LRRC72: variants seen among roughly 807,000 people sequenced by gnomAD.
LRRC72 encodes the protein leucine rich repeat containing 72, also known as leucine-rich repeat-containing protein 72.
In LRRC72, 41 loss-of-function variants were observed where a neutral mutation model predicts 35.8. That is an observed-to-expected ratio of 1.15 (90% confidence interval 0.89 to 1.49). The LOEUF is 1.49. Among genes scored for constraint, LRRC72 ranks in the 40% most tolerant of loss-of-function variants. The probability of loss-of-function intolerance (pLI) is 0.00; values close to 1 mark genes in which losing one functional copy is unlikely to be tolerated. For synonymous variants in LRRC72, 118 were observed against 119.2 expected, an observed-to-expected ratio of 0.99 and a Z score of 0.07; for missense variants, 389 against 330.7, an observed-to-expected ratio of 1.18 and a Z score of -1.37.
intron 3 of LRRC72, among the ~76,000 whole-genome samples, chr7:16,541,944 G>GACACACAC (rs111489811): frequency 6.7e-6 from 1 of 149,364 alleles, no homozygotes; most frequent in African/African-American, 2.5e-5. Flanking sequence ...CAGACAGACA[G>GACACACAC]ACACACACAC....
chr7:16,564,137 C>A (rs1190088337), intron 5 of LRRC72, among the ~76,000 whole-genome samples: 1 of 152,134 alleles, frequency 6.6e-6, no homozygotes, highest in Non-Finnish European at 1.5e-5. Context: ...GGTATATTTT[C>A]CATTAACGTC....
chr7:16,535,277 G>A (rs1240761938), intron 2 of LRRC72, among the ~76,000 whole-genome samples: 1 of 152,124 alleles, frequency 6.6e-6, no homozygotes, highest in Non-Finnish European at 1.5e-5. Flanking sequence ...ATATCAAAGA[G>A]ACACACAATT....
chr7:16,546,095 A>C (rs1192709915), intron 3 of LRRC72, among the ~76,000 whole-genome samples: 1 of 152,148 alleles, frequency 6.6e-6, no homozygotes, highest in African/African-American at 2.4e-5. Context: ...ATATATTGAA[A>C]TGTTTCTTTT....
chr7:16,539,012 T>A (rs1156359582), intron 3 of LRRC72, among the ~76,000 whole-genome samples: 1 of 152,218 alleles, frequency 6.6e-6, no homozygotes, highest in Non-Finnish European at 1.5e-5. Flanking sequence ...AGTGGGATAC[T>A]GCTACAAAGA....
At chr7:16,536,207 A>G (rs570926314) in intron 2 of LRRC72, among the ~76,000 whole-genome samples, 4 of 152,342 alleles carry the variant, frequency 2.6e-5, no homozygotes, top group African/African-American at 9.6e-5. Flanking sequence ...AAAAGGAAAG[A>G]AGATGATTAC....
At chr7:16,577,136 G>A (rs1214060318) in intron 7 of LRRC72, among the ~76,000 whole-genome samples, 1 of 152,184 alleles carries the variant, frequency 6.6e-6, no homozygotes, top group Non-Finnish European at 1.5e-5. Flanking sequence ...GTTCAGGTAG[G>A]TATTAGAGGT....
At position 16,581,431 on chromosome 7, in the gene LRRC72, G is replaced by A. The variant is rs1562757048; in HGVS notation, c.806G>A (p.Arg269Lys). The A allele has an allele frequency of 1.3e-6, 2 of 1,550,262 alleles. No individual in the cohort carries two copies. The highest frequency in any genetic ancestry group is 2.0e-5 in the Admixed American group (1 of 50,896). Residue 269 changes from arginine to lysine, a missense_variant, in exon 9 of 9, where the codon AGG (arginine) becomes AAG (lysine). Physicochemically the swap from Arg to Lys is conservative, Grantham distance 26 (BLOSUM62 2). Transcript: ENST00000401542. ...GACACAGTTCCAACACGAGAGGAAA[G>A]GTACCTTGAAGAGGAAGGCACAGAA... is the stretch of plus-strand genomic sequence containing the variant. ...NWDTVPTREE[R>K]YLEEEGTETA...
At chr7:16,571,859 C>A (rs1024431949) in intron 7 of LRRC72, among the ~76,000 whole-genome samples, 1 of 152,112 alleles carries the variant, frequency 6.6e-6, no homozygotes, top group Admixed American at 6.5e-5. Context: ...GTTCAGTCCC[C>A]TAAAAAGGAG....
chr7:16,544,415 C>A lies in LRRC72; in HGVS notation c.234+6719C>A, dbSNP rs544170564. ...CATATTGCATAGATATTCATTAGTG[C>A]TGCATCTCCTCCTTTTTGAGATCAT... On this transcript the variant is annotated intron_variant, in intron 3 of 8. Coordinates refer to ENST00000401542, the MANE Select transcript of LRRC72 (RefSeq NM_001195280.2). 3.3e-5 allele frequency among the ~76,000 whole-genome samples: 5 copies of A among 152,300 alleles called. No homozygotes were observed. The South Asian group carries it at 1.0e-3, about 32-fold the overall frequency.
intron 7 of LRRC72, among the ~76,000 whole-genome samples, chr7:16,568,220 T>C (rs1011132163): frequency 6.6e-6 from 1 of 152,176 alleles, no homozygotes; most frequent in African/African-American, 2.4e-5. Flanking sequence ...ACTCTTAGTG[T>C]GCTTTATGAT....
At chr7:16,561,584 C>A (rs1782744705) in intron 5 of LRRC72, among the ~76,000 whole-genome samples, 1 of 152,124 alleles carries the variant, frequency 6.6e-6, no homozygotes, top group South Asian at 2.1e-4. Flanking sequence ...TAGTTTACGA[C>A]CACTACTTAA....
intron 3 of LRRC72, among the ~76,000 whole-genome samples, chr7:16,540,187 C>G (rs755211823): frequency 6.6e-6 from 1 of 152,282 alleles, no homozygotes; most frequent in Middle Eastern, 3.4e-3. Flanking sequence ...AGGAGCCCAC[C>G]CTTTGCATCA....
intron 5 of LRRC72, among the ~76,000 whole-genome samples, chr7:16,562,251 C>T (rs1052852609): frequency 1.3e-5 from 2 of 152,258 alleles, no homozygotes; most frequent in South Asian, 2.1e-4. Flanking sequence ...TTTTCCTCTT[C>T]CCTTCCCTCC....
In LRRC72 at chr7:16,527,137, T is replaced by A. The variant is rs1782084325; in HGVS notation, c.90+95T>A. On this transcript the variant is annotated intron_variant, in intron 1 of 8. Coordinates refer to ENST00000401542, the MANE Select transcript of LRRC72 (RefSeq NM_001195280.2). ...TGAGGACTCCAGGCAGGTACTGAAT[T>A]TGGAGGGGAATTTCAGTAGCCTGAA... 1.3e-5 allele frequency: 12 copies of A among 948,036 alleles called. No homozygotes were observed. The South Asian group carries it at 1.8e-4, about 14-fold the overall frequency. 58.7% of individuals were successfully genotyped at this position (948,036 alleles called of 1,614,324 possible).
At position 16,529,930 on chromosome 7, in the gene LRRC72, A is replaced by G. The variant is rs1782133376; in HGVS notation, c.91-2565A>G. 2.6e-5 allele frequency among the ~76,000 whole-genome samples: 4 copies of G among 152,336 alleles called. No homozygotes were observed. The South Asian group carries it at 8.3e-4, about 32-fold the overall frequency. Reference sequence around the variant, plus strand: ...AAATATATATTGCCTAGAAAGTGAAAGTCCCTCATGATCTCAAGTGTTGAC... The same window carrying G: ...AAATATATATTGCCTAGAAAGTGAAGGTCCCTCATGATCTCAAGTGTTGAC... On this transcript the variant is annotated intron_variant, in intron 1 of 8. Transcript: ENST00000401542.
chr7:16,573,485 T>C (rs908566226), intron 7 of LRRC72, among the ~76,000 whole-genome samples: 1 of 152,122 alleles, frequency 6.6e-6, no homozygotes, highest in Non-Finnish European at 1.5e-5. Flanking sequence ...AACAGAGGCC[T>C]CAGAAATAAT....
At chr7:16,556,814 C>T (rs567606489) in intron 3 of LRRC72, among the ~76,000 whole-genome samples, 12 of 152,276 alleles carry the variant, frequency 7.9e-5, no homozygotes, top group Non-Finnish European at 1.0e-4. Context: ...AAACGTACTG[C>T]GGCAGGCCAC....
intron 1 of LRRC72, chr7:16,530,045 T>C (rs1782134842): frequency 2.0e-5 from 3 of 152,238 alleles, no homozygotes; most frequent in Admixed American, 2.0e-4. Context: ...TACTGCCAAT[T>C]ACTTTTTATT....
chr7:16,540,058 T>C (rs1434812653), intron 3 of LRRC72, among the ~76,000 whole-genome samples: 1 of 152,102 alleles, frequency 6.6e-6, no homozygotes, highest in Non-Finnish European at 1.5e-5. Flanking sequence ...GAATGGTAGC[T>C]TCACCGACAA....
Sources: allele counts gnomAD v4.1 joint callset (sites outside exome capture counted in the v4.1 genomes callset), GRCh38; gene constraint gnomAD v4.1.1; transcripts MANE v1.5; gene names NCBI Gene and HGNC (gene_info 2026-07-23, HGNC 2026-07-21).